The following RAB37 variants were observed in gnomAD, a reference collection of about 807,000 sequenced individuals.
The protein encoded by RAB37 is RAB37, member RAS oncogene family.
RAB37 carries 29 observed loss-of-function variants against 33.1 expected under a neutral mutation model. The ratio of observed to expected loss-of-function variants is 0.88; its 90% CI spans 0.65 to 1.20. The LOEUF is 1.20. Among genes scored for constraint, RAB37 ranks in the 50% most tolerant of loss-of-function variants. The pLI is 0.00. For synonymous variants in RAB37, 128 were observed against 119.5 expected (o/e 1.07, Z -0.47); for missense variants, 299 against 301.1 (o/e 0.99, Z 0.05).
chr17:74,737,942 A>C (rs1404956348), intron 1 of RAB37, among the ~76,000 whole-genome samples: 6 of 152,024 alleles, frequency 3.9e-5, no homozygotes, highest in Admixed American at 6.6e-5. Context: ...CCTGCAGGTC[A>C]CTTGGGAATT....
chr17:74,728,723 CAT>C (rs1435570148), intron 1 of RAB37, among the ~76,000 whole-genome samples: 2 of 150,536 alleles, frequency 1.3e-5, no homozygotes, highest in East Asian at 2.0e-4. Flanking sequence ...GTGTTCTGTG[CAT>C]ATATGTGTAC....
chr17:74,681,881 C>T (rs2031962185), intron 1 of RAB37, among the ~76,000 whole-genome samples: 1 of 152,174 alleles, frequency 6.6e-6, no homozygotes, highest in African/African-American at 2.4e-5. Context: ...CTGTTCACTA[C>T]CTGCCCTGTC....
At position 74,744,310 on chromosome 17, in the gene RAB37, C is replaced by G; in HGVS notation, c.369C>G (p.Ala123=). The change falls in exon 6 of 9, where the codon GCC becomes GCG. Residue 123 remains alanine (A), a splice_region_variant and synonymous_variant. Transcript: ENST00000392613. This position sits in a 1 kb window ranked among gnomAD's most constrained non-coding sequence, Gnocchi z 4.2. Reference sequence around the variant, plus strand: ...GTCTCGCACGCCCTCTCCCACAGGCCTGGCTCACTGAGATTCATGAGTATG... The same window carrying G: ...GTCTCGCACGCCCTCTCCCACAGGCGTGGCTCACTGAGATTCATGAGTATG... ...TNKSSFDNIR[A]WLTEIHEYAQ... is the part of the protein sequence containing the mutation. 6.2e-7 allele frequency: 1 copy of G among 1,613,640 alleles called. No homozygotes were observed. The highest frequency in any genetic ancestry group is 8.5e-7 in the Non-Finnish European group (1 of 1,179,726).
intron 1 of RAB37, chr17:74,705,190 C>A (rs956587240): frequency 2.9e-6 from 2 of 698,304 alleles, no homozygotes; most frequent in African/African-American, 3.5e-5. Flanking sequence ...AGACCCCTTT[C>A]CACAGGGTCT....
In RAB37 at chr17:74,742,279, TGA is replaced by T. The variant is rs1283899913; in HGVS notation, c.234_235del (p.Arg78SerfsTer33). The T allele has an allele frequency of 6.2e-7, 1 of 1,612,504 alleles. No individual in the cohort carries two copies. Among genetic ancestry groups the T allele is most frequent in the African/African-American group, 1.3e-5 (1 of 74,926 alleles). On this transcript the variant is annotated frameshift_variant, in exon 3 of 9. Coordinates refer to ENST00000392613, the MANE Select transcript of RAB37 (RefSeq NM_001006638.3). LOFTEE classifies it high-confidence loss of function. The surrounding 1 kb of genome is among the most constrained non-coding windows in gnomAD (Gnocchi z 4.0). ...AACAAGGTGGTGACTGTGGATGGCGTGAGAGTGAAGCTGCAGGTGAGACCAGA... is the reference window on the plus strand; with the variant it reads ...AACAAGGTGGTGACTGTGGATGGCGTGAGTGAAGCTGCAGGTGAGACCAGA...
chr17:74,685,243 G>A (rs1453010379), intron 1 of RAB37, among the ~76,000 whole-genome samples: 1 of 152,070 alleles, frequency 6.6e-6, no homozygotes, highest in Admixed American at 6.6e-5. Context: ...AGAGTGCAGT[G>A]GCGCGATCTC....
upstream of RAB37, among the ~76,000 whole-genome samples, chr17:74,734,769 A>G (rs2034440583): frequency 6.6e-6 from 1 of 151,816 alleles, no homozygotes; most frequent in Non-Finnish European, 1.5e-5. Context: ...TGGCTTGAAC[A>G]GCCCGGGAGG....
intron 5 of RAB37, 59 bp downstream of exon 5, chr17:74,743,399 G>A: frequency 5.7e-6 from 9 of 1,567,822 alleles, no homozygotes; most frequent in Non-Finnish European, 7.9e-6. Context: ...GTCTATGCAG[G>A]CTGGGGTTGC....
At chr17:74,732,960 G>A (rs1391684779), upstream of RAB37, among the ~76,000 whole-genome samples, 1 of 151,908 alleles carries the variant, frequency 6.6e-6, no homozygotes, top group Non-Finnish European at 1.5e-5. Context: ...GAGGGTAGGG[G>A]TGTCTATTTG....
At chr17:74,678,645 G>A (rs184669080) in intron 1 of RAB37, among the ~76,000 whole-genome samples, 24 of 151,936 alleles carry the variant, frequency 1.6e-4, no homozygotes, top group Middle Eastern at 3.4e-3. Flanking sequence ...TTACTTGCTA[G>A]CCTTCTGCCC....
At chr17:74,719,838 T>G (rs1331530901) in intron 1 of RAB37, among the ~76,000 whole-genome samples, 2 of 152,180 alleles carry the variant, frequency 1.3e-5, no homozygotes, top group African/African-American at 4.8e-5. Flanking sequence ...TTAAATAAAT[T>G]TTTTAAAACA....
chr17:74,718,156 T>C (rs1226567737), intron 1 of RAB37, among the ~76,000 whole-genome samples: 1 of 151,942 alleles, frequency 6.6e-6, no homozygotes, highest in Non-Finnish European at 1.5e-5. Context: ...TAGCTGGGCA[T>C]GGTGGCACGA....
intron 1 of RAB37, among the ~76,000 whole-genome samples, chr17:74,723,749 G>A (rs890710836): frequency 1.3e-5 from 2 of 151,840 alleles, no homozygotes; most frequent in Admixed American, 1.3e-4. Context: ...GCTAATTTTT[G>A]TATTTTTAGT....
intron 1 of RAB37, among the ~76,000 whole-genome samples, chr17:74,720,382 C>T (rs1041936199): frequency 1.3e-5 from 2 of 151,986 alleles, no homozygotes; most frequent in African/African-American, 4.8e-5. Context: ...GCCAGGAGTT[C>T]AAGACCAACG....
intron 1 of RAB37, among the ~76,000 whole-genome samples, chr17:74,710,824 G>A (rs777663854): frequency 4.6e-5 from 7 of 151,464 alleles, no homozygotes; most frequent in Admixed American, 1.3e-4. Context: ...CCAAGATCGC[G>A]CCACTGCACT....
At chr17:74,719,527 A>G (rs2034211066) in intron 1 of RAB37, among the ~76,000 whole-genome samples, 1 of 151,926 alleles carries the variant, frequency 6.6e-6, no homozygotes, top group Non-Finnish European at 1.5e-5. Flanking sequence ...TTTTCTTTTG[A>G]GATGGGTTCT....
intron 1 of RAB37, among the ~76,000 whole-genome samples, chr17:74,709,228 A>AC (rs1447136001): frequency 7.2e-5 from 11 of 152,166 alleles, no homozygotes; most frequent in Admixed American, 2.6e-4. Context: ...CTCAAAAAAA[A>AC]AAAGGAAAAA....
intron 1 of RAB37, among the ~76,000 whole-genome samples, chr17:74,723,983 T>C (rs2034274917): frequency 6.6e-6 from 1 of 152,160 alleles, no homozygotes; most frequent in Admixed American, 6.5e-5. Context: ...GGGAACCAAC[T>C]TGGAGAAATT....
intron 1 of RAB37, among the ~76,000 whole-genome samples, chr17:74,715,486 C>T (rs2034153973): frequency 1.3e-5 from 2 of 152,234 alleles, no homozygotes; most frequent in African/African-American, 4.8e-5. Flanking sequence ...CATGCAGATA[C>T]TCAGAGAGCA....
Sources: gnomAD v4.1 joint callset for allele counts (sites outside exome capture counted in the v4.1 genomes callset) on GRCh38, gnomAD v4.1.1 for gene constraint, Gnocchi (gnomAD v3.1) non-coding constraint, MANE v1.5 for transcripts, NCBI Gene and HGNC (gene_info 2026-07-23, HGNC 2026-07-21) for gene names.